Variants in PLD5 observed in about 807,000 individuals in gnomAD.
The protein encoded by PLD5 is phospholipase D family member 5.
In PLD5, 36 loss-of-function variants were observed where a neutral mutation model predicts 61.1. The ratio of observed to expected loss-of-function variants is 0.59; its 90% CI spans 0.45 to 0.78. PLD5 has a LOEUF of 0.78. Ranked by LOEUF, PLD5 falls within the 30% of genes least tolerant of loss-of-function variation. The pLI, the probability that PLD5 is intolerant of heterozygous loss-of-function variation, is 0.00. For missense variants in PLD5, 515 were observed against 644.4 expected (o/e 0.80, Z 2.17); for synonymous variants, 243 against 242.8 (o/e 1.00, Z -0.01).
At chr1:242,523,150 A>G (rs1471375491) in intron 1 of PLD5, among the ~76,000 whole-genome samples, 1 of 152,126 alleles carries the variant, frequency 6.6e-6, no homozygotes. Flanking sequence ...CCCAAATACA[A>G]GGAAACCTCC....
At chr1:242,217,951 A>G (rs1414737512) in intron 5 of PLD5, among the ~76,000 whole-genome samples, 1 of 152,224 alleles carries the variant, frequency 6.6e-6, no homozygotes, top group Non-Finnish European at 1.5e-5. Flanking sequence ...GATTTAGAAT[A>G]TTACATAAAC....
At chr1:242,279,576 C>T (rs1259764006) in intron 3 of PLD5, among the ~76,000 whole-genome samples, 1 of 152,004 alleles carries the variant, frequency 6.6e-6, no homozygotes, top group Non-Finnish European at 1.5e-5. Flanking sequence ...GCTGTGTCAC[C>T]AGGCTGTAGA....
At chr1:242,316,418 C>T (rs906366998) in intron 2 of PLD5, among the ~76,000 whole-genome samples, 8 of 152,018 alleles carry the variant, frequency 5.3e-5, no homozygotes, top group Admixed American at 4.6e-4. Flanking sequence ...TCATGGCTTT[C>T]GGTTGAGGCT....
At chr1:242,404,684 C>G (rs1015039501) in intron 1 of PLD5, among the ~76,000 whole-genome samples, 6 of 148,366 alleles carry the variant, frequency 4.0e-5, no homozygotes, top group Non-Finnish European at 8.9e-5. Context: ...CTCACACACA[C>G]TTTGTTTTAA....
At chr1:242,503,169 C>T (rs551869047) in intron 1 of PLD5, among the ~76,000 whole-genome samples, 1 of 152,234 alleles carries the variant, frequency 6.6e-6, no homozygotes, top group East Asian at 1.9e-4. Context: ...ATAGAAATGT[C>T]ACCCCAGTGT....
At chr1:242,099,433 A>G (rs1462362477) in intron 9 of PLD5, among the ~76,000 whole-genome samples, 3 of 152,142 alleles carry the variant, frequency 2.0e-5, no homozygotes, top group Non-Finnish European at 4.4e-5. Context: ...AGCCAGATAT[A>G]TATCTTTAAA....
chr1:242,310,158 C>T lies in PLD5; in HGVS notation c.327-21628G>A, dbSNP rs182144776. Among the ~76,000 whole-genome samples the T allele has an allele frequency of 5.9e-5, 9 of 152,140 alleles. No homozygotes were observed. The East Asian group carries it at 1.7e-3, about 29-fold the overall frequency. On this transcript the variant is annotated intron_variant, in intron 2 of 9. Coordinates refer to ENST00000536534, the MANE Select transcript of PLD5 (RefSeq NM_001372062.1). ...TCAGCAGCAGCAATTGTACAAGATG[C>T]TGTCAAGACTTAGAGGGTGCATTGC...
At chr1:242,148,197 TAA>T (rs1664668707) in intron 5 of PLD5, among the ~76,000 whole-genome samples, 1 of 151,338 alleles carries the variant, frequency 6.6e-6, no homozygotes, top group African/African-American at 2.4e-5. Flanking sequence ...GATTTTTGCA[TAA>T]AGTATGAATC....
intron 1 of PLD5, among the ~76,000 whole-genome samples, chr1:242,479,873 C>T (rs111826360): frequency 0.043 from 6,440 of 149,792 alleles, 226 homozygotes; most frequent in Middle Eastern, 0.062. Context: ...GAAACCCCGT[C>T]TCTACTAAAA....
chr1:242,390,562 T>C (rs1378147390), intron 1 of PLD5, among the ~76,000 whole-genome samples: 2 of 152,140 alleles, frequency 1.3e-5, no homozygotes. Flanking sequence ...CTTGGTGTAA[T>C]TGTTTATTCT....
At chr1:242,460,060 G>A (rs749558550) in intron 1 of PLD5, among the ~76,000 whole-genome samples, 5 of 152,086 alleles carry the variant, frequency 3.3e-5, no homozygotes, top group Admixed American at 6.5e-5. Flanking sequence ...GCTAATCATA[G>A]GTTATGGAAA....
intron 2 of PLD5, among the ~76,000 whole-genome samples, chr1:242,289,131 A>G (rs1675202966): frequency 6.6e-6 from 1 of 152,216 alleles, no homozygotes; most frequent in African/African-American, 2.4e-5. Context: ...AAATTATAGT[A>G]TTAATCAAGC....
intron 2 of PLD5, among the ~76,000 whole-genome samples, chr1:242,297,550 C>T (rs1204207634): frequency 2.0e-5 from 3 of 151,398 alleles, no homozygotes; most frequent in East Asian, 3.9e-4. Flanking sequence ...GGAGTACAGG[C>T]ATGCACCATC....
At chr1:242,112,299 GT>G (rs1661569137) in intron 7 of PLD5, among the ~76,000 whole-genome samples, 6 of 101,078 alleles carry the variant, frequency 5.9e-5, no homozygotes, top group African/African-American at 3.4e-4. Flanking sequence ...GTGTGTGTGT[GT>G]GTGTGTGTGT....
chr1:242,512,218 T>C (rs907342812), intron 1 of PLD5, among the ~76,000 whole-genome samples: 33 of 150,822 alleles, frequency 2.2e-4, no homozygotes, highest in Middle Eastern at 3.4e-3. Flanking sequence ...GAGACCATCC[T>C]GGCTAACACG....
At chr1:242,189,575 C>A (rs751732413) in intron 5 of PLD5, among the ~76,000 whole-genome samples, 37 of 138,172 alleles carry the variant, frequency 2.7e-4, no homozygotes, top group Non-Finnish European at 4.6e-4. Flanking sequence ...TAGGGCCATA[C>A]TATTGAACAA....
At chr1:242,368,787 G>A (rs759381477) in intron 1 of PLD5, among the ~76,000 whole-genome samples, 2 of 152,160 alleles carry the variant, frequency 1.3e-5, no homozygotes, top group Non-Finnish European at 2.9e-5. Flanking sequence ...GCTTTCTCCC[G>A]TGCAAGCTTC....
chr1:242,296,227 T>C (rs1456605541), intron 2 of PLD5, among the ~76,000 whole-genome samples: 1 of 152,236 alleles, frequency 6.6e-6, no homozygotes, highest in African/African-American at 2.4e-5. Flanking sequence ...TCACGTACTT[T>C]GACCACTTTT....
At chr1:242,093,258 C>G (rs1659977411) in intron 9 of PLD5, among the ~76,000 whole-genome samples, 1 of 152,110 alleles carries the variant, frequency 6.6e-6, no homozygotes, top group South Asian at 2.1e-4. Context: ...GACTGGATCT[C>G]TAAACGGGAT....
Sources: gnomAD v4.1 joint callset for allele counts (sites outside exome capture counted in the v4.1 genomes callset) on GRCh38, gnomAD v4.1.1 for gene constraint, MANE v1.5 for transcripts, NCBI Gene and HGNC (gene_info 2026-07-23, HGNC 2026-07-21) for gene names.